The following THSD4 variants were observed in gnomAD, a reference collection of about 807,000 sequenced individuals.
The protein encoded by THSD4 is thrombospondin type 1 domain containing 4.
In THSD4, 69 loss-of-function variants were observed where a neutral mutation model predicts 119.0. The ratio of observed to expected loss-of-function variants is 0.58; its 90% CI spans 0.48 to 0.71. THSD4 has a LOEUF of 0.71. Ranked by LOEUF, THSD4 falls within the 30% of genes least tolerant of loss-of-function variation. The pLI is 0.00. For missense variants in THSD4, 1,393 were observed against 1,391.1 expected, an observed-to-expected ratio of 1.00 and a Z score of -0.02; for synonymous variants, 524 against 540.4, an observed-to-expected ratio of 0.97 and a Z score of 0.42.
chr15:71,153,244 G>A (rs1419740292), intron 2 of THSD4, among the ~76,000 whole-genome samples: 2 of 152,286 alleles, frequency 1.3e-5, no homozygotes, highest in East Asian at 1.9e-4. Context: ...GCTGTATGCA[G>A]CACTCCTACA....
intron 8 of THSD4, among the ~76,000 whole-genome samples, chr15:71,699,725 C>T (rs899245296): frequency 1.3e-5 from 2 of 152,064 alleles, no homozygotes; most frequent in African/African-American, 4.8e-5. Context: ...ATTAATATGA[C>T]GGTCTTTGTT....
rs190465759 is a variant in THSD4 at position 71,308,397 on chromosome 15, C to G, written c.1015+51682C>G. Among the ~76,000 whole-genome samples, 316 of 152,278 alleles carry G rather than the reference C, an allele frequency of 2.1e-3. 2 individuals are homozygous for G. Among genetic ancestry groups the G allele is most frequent in the African/African-American group, 7.4e-3 (308 of 41,562 alleles). On this transcript the variant is annotated intron_variant, in intron 6 of 17. Coordinates refer to ENST00000261862, the MANE Select transcript of THSD4 (RefSeq NM_024817.3). ...AGGTTCTTCACATTGATTCTTTTTC[C>G]TGCTAGGGTGCTTATTGAAATATGG...
intron 8 of THSD4, among the ~76,000 whole-genome samples, chr15:71,700,832 T>C (rs993182286): frequency 2.0e-5 from 3 of 152,028 alleles, no homozygotes; most frequent in Admixed American, 1.3e-4. Context: ...ATAATAATTA[T>C]TATTAAAAAA....
chr15:71,235,585 T>TC (rs2044097022), intron 4 of THSD4, among the ~76,000 whole-genome samples: 2 of 23,174 alleles, frequency 8.6e-5, no homozygotes, highest in Non-Finnish European at 1.5e-4. Context: ...ACCTCTCTCT[T>TC]TTTTTTTTTT....
chr15:71,325,310 C>G (rs1436324955), intron 6 of THSD4, among the ~76,000 whole-genome samples: 1 of 152,172 alleles, frequency 6.6e-6, no homozygotes, highest in East Asian at 1.9e-4. Context: ...TCCTCCTTTT[C>G]CTTCCATTGC....
At chr15:71,195,820 C>G (rs1458693068) in intron 3 of THSD4, among the ~76,000 whole-genome samples, 1 of 152,122 alleles carries the variant, frequency 6.6e-6, no homozygotes, top group Non-Finnish European at 1.5e-5. Context: ...AATTATTGAG[C>G]ATTCCCTACA....
chr15:71,763,466 G>A (rs547868423), intron 15 of THSD4, among the ~76,000 whole-genome samples: 5 of 152,034 alleles, frequency 3.3e-5, no homozygotes, highest in Non-Finnish European at 7.4e-5. Flanking sequence ...ATCCCAGAAC[G>A]ATGGGAGGCC....
At position 71,656,788 on chromosome 15, in the gene THSD4, G is replaced by A. The variant is rs150211012; in HGVS notation, c.1153-3742G>A. Reference sequence around the variant, plus strand: ...AAATTAACCTGTCTTCTAAGTCTTAGTTTCCTATAAATTTCAGCAATCTCA... The same window carrying A: ...AAATTAACCTGTCTTCTAAGTCTTAATTTCCTATAAATTTCAGCAATCTCA... On this transcript the variant is annotated intron_variant, in intron 7 of 17. Coordinates refer to ENST00000261862, the MANE Select transcript of THSD4 (RefSeq NM_024817.3). Among the ~76,000 whole-genome samples, 13 of 152,298 alleles carry A rather than the reference G, an allele frequency of 8.5e-5. No homozygotes were observed. In the East Asian group the frequency reaches 2.5e-3, roughly 29 times the overall value.
intron 7 of THSD4, among the ~76,000 whole-genome samples, chr15:71,582,996 A>G (rs1373749722): frequency 2.0e-5 from 3 of 152,084 alleles, no homozygotes; most frequent in Admixed American, 6.5e-5. Context: ...GGTCTGGGAA[A>G]CTTTGGCATT....
intron 8 of THSD4, among the ~76,000 whole-genome samples, chr15:71,679,314 T>G (rs1424440514): frequency 6.6e-6 from 1 of 152,216 alleles, no homozygotes. Flanking sequence ...GGCAACCTTT[T>G]TTTTGGAAAG....
chr15:71,676,364 C>T (rs1595854478), intron 8 of THSD4, among the ~76,000 whole-genome samples: 1 of 152,234 alleles, frequency 6.6e-6, no homozygotes, highest in South Asian at 2.1e-4. Context: ...TCACTGCAAC[C>T]TCTGCCTCCC....
intron 6 of THSD4, among the ~76,000 whole-genome samples, chr15:71,257,150 G>GT (rs987731364): frequency 6.6e-6 from 1 of 152,064 alleles, no homozygotes; most frequent in Non-Finnish European, 1.5e-5. Context: ...ACCTGTAGGG[G>GT]GCCTCACATG....
At chr15:71,368,900 A>T (rs1223327834) in intron 6 of THSD4, among the ~76,000 whole-genome samples, 2 of 152,192 alleles carry the variant, frequency 1.3e-5, no homozygotes, top group African/African-American at 2.4e-5. Context: ...CACAATATTG[A>T]TTCTTCCTAT....
At position 71,758,057 on chromosome 15, in the gene THSD4, T is replaced by G. The variant is rs1231368126; in HGVS notation, c.2571T>G (p.Phe857Leu). ...NGPCTGKVEW[F>L]AGSWSQCSIE... ...CCTGCACGGGCAAGGTGGAGTGGTT[T>G]GCCGGGAGCTGGAGTCAGGTGAGTG... Residue 857 changes from phenylalanine to leucine, a missense_variant, in exon 15 of 18, where the codon TTT becomes TTG. By Grantham distance (22) the Phe-to-Leu change is conservative. Coordinates refer to ENST00000261862, the MANE Select transcript of THSD4 (RefSeq NM_024817.3). 6.3e-7 allele frequency: 1 copy of G among 1,587,434 alleles called. No homozygotes were observed. Among genetic ancestry groups the G allele is most frequent in the Non-Finnish European group, 8.6e-7 (1 of 1,166,090 alleles).
At chr15:71,550,095 C>T (rs1244002489) in intron 7 of THSD4, among the ~76,000 whole-genome samples, 1 of 152,182 alleles carries the variant, frequency 6.6e-6, no homozygotes, top group Admixed American at 6.5e-5. Flanking sequence ...TTGTCTTAGT[C>T]AAGGTTAGGG....
intron 6 of THSD4, among the ~76,000 whole-genome samples, chr15:71,324,224 TG>T (rs1445886496): frequency 6.6e-6 from 1 of 152,144 alleles, no homozygotes; most frequent in Non-Finnish European, 1.5e-5. Flanking sequence ...AACAAACGTT[TG>T]GCCCTTTGAC....
At chr15:71,573,089 G>C (rs2049388171) in intron 7 of THSD4, among the ~76,000 whole-genome samples, 1 of 152,136 alleles carries the variant, frequency 6.6e-6, no homozygotes, top group Admixed American at 6.6e-5. Flanking sequence ...CATGCACTTT[G>C]GGAAATACAC....
At chr15:71,431,335 G>T (rs2046940895) in intron 7 of THSD4, among the ~76,000 whole-genome samples, 2 of 152,124 alleles carry the variant, frequency 1.3e-5, no homozygotes, top group South Asian at 4.2e-4. Flanking sequence ...AGTCCAACTG[G>T]ATAATCTCAA....
At chr15:71,332,290 G>C (rs1235185229) in intron 6 of THSD4, among the ~76,000 whole-genome samples, 1 of 152,202 alleles carries the variant, frequency 6.6e-6, no homozygotes, top group Non-Finnish European at 1.5e-5. Flanking sequence ...TGTAGTTGGA[G>C]GTCTGCGAAG....
Sources: allele counts gnomAD v4.1 joint callset (sites outside exome capture counted in the v4.1 genomes callset), GRCh38; gene constraint gnomAD v4.1.1; transcripts MANE v1.5; gene names NCBI Gene and HGNC (gene_info 2026-07-23, HGNC 2026-07-21).